NELL2: variants seen among roughly 807,000 people sequenced by gnomAD.
NELL2 encodes the protein protein kinase C-binding protein NELL2.
A neutral mutation model predicts 109.6 loss-of-function variants in NELL2; 41 were observed. The ratio of observed to expected loss-of-function variants is 0.37; its 90% CI spans 0.29 to 0.49. The LOEUF (loss-of-function observed/expected upper bound fraction) is 0.49, where lower values mean the gene tolerates loss of function less well. Among genes scored for constraint, NELL2 ranks in the 20% least tolerant of loss-of-function variants. The pLI is 0.98. For synonymous variants in NELL2, 355 were observed against 344.7 expected (o/e 1.03, Z -0.33); for missense variants, 900 against 1,008.3 (o/e 0.89, Z 1.45).
chr12:44,720,166 C>T (rs762720893), intron 9 of NELL2, among the ~76,000 whole-genome samples: 1 of 152,108 alleles, frequency 6.6e-6, no homozygotes, highest in Non-Finnish European at 1.5e-5. Context: ...TAGCACTGAA[C>T]ACATTTTCCT....
chr12:44,520,299 C>T (rs567755128), intron 18 of NELL2, 70 bp from the exon 19 acceptor site: 9 of 1,120,838 alleles, frequency 8.0e-6, no homozygotes, highest in Middle Eastern at 2.6e-4. Context: ...CAGGAAAAAG[C>T]AGATGAGCAC....
chr12:44,518,463 T>C (rs1941376640), intron 19 of NELL2, among the ~76,000 whole-genome samples: 1 of 152,152 alleles, frequency 6.6e-6, no homozygotes, highest in Non-Finnish European at 1.5e-5. Flanking sequence ...GCCAGGATGG[T>C]CTCGATCTCC....
In NELL2 at chr12:44,723,335, G is replaced by A. The variant is rs147460773; in HGVS notation, c.995-8594C>T. ...TTACTATGCAGAGAAAGGGGAAATC[G>A]AAGAGAAAAATAAAATTAACATTTG... On this transcript the variant is annotated intron_variant, in intron 9 of 19. Coordinates refer to ENST00000429094, the MANE Select transcript of NELL2 (RefSeq NM_001145108.2). Among the ~76,000 whole-genome samples, 306 of 152,276 alleles carry A rather than the reference G, an allele frequency of 2.0e-3. 1 individual carries two copies. Among genetic ancestry groups the A allele is most frequent in the African/African-American group, 6.9e-3 (288 of 41,550 alleles).
chr12:44,736,060 G>A (rs987677819), intron 9 of NELL2, among the ~76,000 whole-genome samples: 3 of 146,874 alleles, frequency 2.0e-5, no homozygotes, highest in African/African-American at 7.6e-5. Context: ...GCCCAGGCTG[G>A]AGCGCAGTGG....
At chr12:44,543,922 T>C (rs180867294) in intron 15 of NELL2, among the ~76,000 whole-genome samples, 1 of 152,244 alleles carries the variant, frequency 6.6e-6, no homozygotes, top group African/African-American at 2.4e-5. Context: ...CTTGTCTGTC[T>C]AGTAAACAAT....
chr12:44,896,418 T>C (rs530495839), intron 1 of NELL2, among the ~76,000 whole-genome samples: 1 of 152,324 alleles, frequency 6.6e-6, no homozygotes, highest in East Asian at 1.9e-4. Flanking sequence ...AAATGAAAGA[T>C]ACTAACATAA....
intron 12 of NELL2, among the ~76,000 whole-genome samples, chr12:44,683,423 C>A (rs1191860067): frequency 7.1e-6 from 1 of 140,374 alleles, no homozygotes; most frequent in African/African-American, 3.3e-5. Context: ...CCTTCTCCTG[C>A]CTAACTGCCC....
At chr12:44,577,965 T>A (rs985635442) in intron 15 of NELL2, among the ~76,000 whole-genome samples, 2 of 152,226 alleles carry the variant, frequency 1.3e-5, no homozygotes, top group African/African-American at 4.8e-5. Context: ...AGTCCTCACA[T>A]GCTATAGTAA....
chr12:44,565,505 A>G (rs1943622508), intron 15 of NELL2, among the ~76,000 whole-genome samples: 1 of 152,150 alleles, frequency 6.6e-6, no homozygotes, highest in Non-Finnish European at 1.5e-5. Flanking sequence ...TAAAGTTTCG[A>G]GAGACGAACA....
At chr12:44,723,645 GT>G (rs879886806) in intron 9 of NELL2, among the ~76,000 whole-genome samples, 1 of 151,898 alleles carries the variant, frequency 6.6e-6, no homozygotes, top group Non-Finnish European at 1.5e-5. Context: ...TTTGTTTGGG[GT>G]TTTTTTAATG....
chr12:44,744,840 C>A (rs969339666), intron 9 of NELL2, among the ~76,000 whole-genome samples: 1 of 152,136 alleles, frequency 6.6e-6, no homozygotes, highest in African/African-American at 2.4e-5. Flanking sequence ...AAGTCCAGGA[C>A]CAGATGGATT....
intron 15 of NELL2, among the ~76,000 whole-genome samples, chr12:44,569,641 G>A (rs1290653614): frequency 6.6e-6 from 1 of 152,120 alleles, no homozygotes; most frequent in Non-Finnish European, 1.5e-5. Context: ...GTTTTATAAA[G>A]CATGAACACT....
chr12:44,632,248 T>C (rs1946483042), intron 13 of NELL2, among the ~76,000 whole-genome samples: 1 of 152,154 alleles, frequency 6.6e-6, no homozygotes, highest in South Asian at 2.1e-4. Flanking sequence ...TGTTTTCCGT[T>C]GACATCAGAT....
chr12:44,780,789 T>G (rs1208045655), intron 3 of NELL2, among the ~76,000 whole-genome samples: 1 of 152,022 alleles, frequency 6.6e-6, no homozygotes, highest in Non-Finnish European at 1.5e-5. Context: ...AAGCTGAAAC[T>G]TCCCCCAACT....
At chr12:44,749,779 A>G (rs1156694710) in intron 9 of NELL2, among the ~76,000 whole-genome samples, 1 of 152,186 alleles carries the variant, frequency 6.6e-6, no homozygotes, top group Non-Finnish European at 1.5e-5. Context: ...CCATCATTCA[A>G]AATGTAATTA....
chr12:44,721,662 T>C (rs1276919573), intron 9 of NELL2, among the ~76,000 whole-genome samples: 6 of 152,242 alleles, frequency 3.9e-5, no homozygotes, highest in African/African-American at 1.2e-4. Context: ...CATGTTGTTT[T>C]GATGTTATAG....
At chr12:44,751,956 TA>T (rs777614248) in intron 9 of NELL2, among the ~76,000 whole-genome samples, 6,171 of 142,218 alleles carry the variant, frequency 0.043, 158 homozygotes, top group South Asian at 0.066. Context: ...GCTTATGAGC[TA>T]AAAAAAAAAA....
intron 3 of NELL2, among the ~76,000 whole-genome samples, chr12:44,804,895 G>C (rs974171646): frequency 1.1e-4 from 16 of 151,960 alleles, no homozygotes; most frequent in African/African-American, 3.9e-4. Context: ...CTAGGGAAAA[G>C]AGAAAGCAAT....
At chr12:44,835,312 G>C (rs540093417) in intron 2 of NELL2, among the ~76,000 whole-genome samples, 1 of 152,194 alleles carries the variant, frequency 6.6e-6, no homozygotes, top group Admixed American at 6.5e-5. Context: ...ATTATTCAGT[G>C]GCTTCTGGGG....
Sources: gnomAD v4.1 joint callset for allele counts (sites outside exome capture counted in the v4.1 genomes callset) on GRCh38, gnomAD v4.1.1 for gene constraint, MANE v1.5 for transcripts, NCBI Gene and HGNC (gene_info 2026-07-23, HGNC 2026-07-21) for gene names.